Variants in CFAP54 observed in about 807,000 individuals in gnomAD.
CFAP54 encodes the protein cilia- and flagella-associated protein 54.
In CFAP54, 290 loss-of-function variants were observed where a neutral mutation model predicts 370.4. The ratio of observed to expected loss-of-function variants is 0.78; its 90% CI spans 0.71 to 0.86. CFAP54 has a LOEUF of 0.86. Among genes scored for constraint, CFAP54 ranks in the 40% least tolerant of loss-of-function variants. CFAP54 has a pLI of 0.00. For missense variants in CFAP54, 3,399 were observed against 3,528.7 expected, an observed-to-expected ratio of 0.96 and a Z score of 0.93; for synonymous variants, 1,206 against 1,236.5, an observed-to-expected ratio of 0.98 and a Z score of 0.52.
intron 65 of CFAP54, among the ~76,000 whole-genome samples, chr12:96,828,037 A>T (rs576679490): frequency 0.011 from 1,352 of 126,952 alleles, 41 homozygotes; most frequent in African/African-American, 0.039. Flanking sequence ...AATATATAAT[A>T]TATAATTATA....
intron 39 of CFAP54, among the ~76,000 whole-genome samples, chr12:96,672,595 C>T (rs1232485621): frequency 6.6e-6 from 1 of 152,094 alleles, no homozygotes; most frequent in Admixed American, 6.6e-5. Flanking sequence ...ATCAGATTAC[C>T]CCTCATAGTC....
At chr12:96,688,844 G>A in intron 42 of CFAP54, 72 bp from the exon 43 acceptor site, 3 of 792,056 alleles carry the variant, frequency 3.8e-6, no homozygotes, top group Non-Finnish European at 2.1e-6. Flanking sequence ...AGATATATAT[G>A]TAAAGACATT....
chr12:96,576,221 A>C (rs909075016), intron 19 of CFAP54, among the ~76,000 whole-genome samples: 16 of 152,084 alleles, frequency 1.1e-4, no homozygotes, highest in Admixed American at 5.9e-4. Flanking sequence ...TAGCTGTGTA[A>C]TTCATCAGCA....
chr12:96,657,497 G>A (rs1956934840), intron 36 of CFAP54, among the ~76,000 whole-genome samples: 1 of 152,144 alleles, frequency 6.6e-6, no homozygotes, highest in South Asian at 2.1e-4. Context: ...TACCAAGAAC[G>A]ATAGACAGTA....
intron 66 of CFAP54, among the ~76,000 whole-genome samples, chr12:96,847,029 A>C (rs1566001267): frequency 1.3e-5 from 2 of 152,186 alleles, no homozygotes; most frequent in Non-Finnish European, 2.9e-5. Context: ...TGGGGTTCCC[A>C]GAATGCCCAC....
At chr12:96,535,388 T>C in intron 11 of CFAP54, 127 bp from the exon 12 acceptor site, 2 of 648,162 alleles carry the variant, frequency 3.1e-6, no homozygotes, top group South Asian at 1.9e-5. Context: ...ACTTGTCTTA[T>C]TGACATGATA....
chr12:96,586,996 A>T (rs778608705), intron 22 of CFAP54, among the ~76,000 whole-genome samples: 46 of 152,112 alleles, frequency 3.0e-4, no homozygotes, highest in Non-Finnish European at 2.4e-4. Flanking sequence ...GGAGGAGCTA[A>T]CAAGAGTCCA....
At chr12:96,641,641 C>T (rs962390779) in intron 32 of CFAP54, among the ~76,000 whole-genome samples, 17 of 152,142 alleles carry the variant, frequency 1.1e-4, no homozygotes, top group South Asian at 6.2e-4. Context: ...ATGTTTATTG[C>T]GGCACTATTC....
At chr12:96,624,471 A>G (rs1245550338) in intron 28 of CFAP54, among the ~76,000 whole-genome samples, 4 of 152,238 alleles carry the variant, frequency 2.6e-5, no homozygotes, top group African/African-American at 4.8e-5. Context: ...GTTTAATTTT[A>G]GGTCGTTGTA....
intron 39 of CFAP54, among the ~76,000 whole-genome samples, chr12:96,668,202 C>T (rs761412994): frequency 6.6e-5 from 10 of 152,122 alleles, no homozygotes; most frequent in Non-Finnish European, 1.5e-4. Context: ...TGTCTTCTTC[C>T]GAGCCCTCCA....
chr12:96,520,546 T>C (rs115472283), intron 6 of CFAP54, among the ~76,000 whole-genome samples: 1,996 of 151,860 alleles, frequency 0.013, 60 homozygotes, highest in African/African-American at 0.046. Flanking sequence ...TTTATATATG[T>C]GTCACTCCAG....
chr12:96,755,155 A>G (rs2136658612), intron 56 of CFAP54, among the ~76,000 whole-genome samples: 1 of 152,154 alleles, frequency 6.6e-6, no homozygotes, highest in African/African-American at 2.4e-5. Flanking sequence ...ACTTTTTAGG[A>G]TTTATTTTTT....
At chr12:96,644,871 A>G (rs1311478819) in intron 33 of CFAP54, among the ~76,000 whole-genome samples, 4 of 152,200 alleles carry the variant, frequency 2.6e-5, no homozygotes, top group Non-Finnish European at 5.9e-5. Flanking sequence ...GGGTGGGGAC[A>G]GAGAGCCAAA....
intron 22 of CFAP54, among the ~76,000 whole-genome samples, chr12:96,585,638 C>T (rs1007354211): frequency 6.6e-6 from 1 of 152,128 alleles, no homozygotes; most frequent in African/African-American, 2.4e-5. Context: ...TGTTTTTAAA[C>T]CTCACCCTTC....
chr12:96,729,537 G>A (rs1232480913), intron 50 of CFAP54, among the ~76,000 whole-genome samples: 6 of 152,214 alleles, frequency 3.9e-5, no homozygotes, highest in Admixed American at 6.5e-5. Context: ...TAAGCCCATC[G>A]GAAAAGCTCA....
At chr12:96,815,842 T>TA (rs1317023660) in intron 64 of CFAP54, among the ~76,000 whole-genome samples, 1 of 152,200 alleles carries the variant, frequency 6.6e-6, no homozygotes, top group African/African-American at 2.4e-5. Flanking sequence ...TGATTGTTTT[T>TA]GTCAGGTTTG....
At chr12:96,621,345 G>A (rs992415275) in intron 26 of CFAP54, among the ~76,000 whole-genome samples, 9 of 152,132 alleles carry the variant, frequency 5.9e-5, no homozygotes, top group Non-Finnish European at 1.2e-4. Context: ...CAGAGATATG[G>A]GAAGTTTGTT....
intron 66 of CFAP54, among the ~76,000 whole-genome samples, chr12:96,857,988 T>A (rs1959760165): frequency 6.6e-6 from 1 of 152,190 alleles, no homozygotes; most frequent in African/African-American, 2.4e-5. Flanking sequence ...GAAGTCTTAA[T>A]GGTAGAATGA....
intron 32 of CFAP54, among the ~76,000 whole-genome samples, chr12:96,636,584 T>C (rs552758791): frequency 6.6e-6 from 1 of 152,370 alleles, no homozygotes; most frequent in East Asian, 1.9e-4. Flanking sequence ...TTTGTCTTTG[T>C]TGATCCTTTC....
Sources: allele counts gnomAD v4.1 joint callset (sites outside exome capture counted in the v4.1 genomes callset), GRCh38; gene constraint gnomAD v4.1.1; transcripts MANE v1.5; gene names NCBI Gene and HGNC (gene_info 2026-07-23, HGNC 2026-07-21).